EXOC4: variants seen among roughly 807,000 people sequenced by gnomAD.
EXOC4 encodes exocyst complex component 4, also known as SEC8-like 1.
EXOC4 carries 71 observed loss-of-function variants against 107.2 expected under a neutral mutation model. The observed-to-expected ratio is 0.66, with a 90% CI of 0.55 to 0.81. EXOC4 has a LOEUF of 0.81. Ranked by LOEUF, EXOC4 falls within the 30% of genes least tolerant of loss-of-function variation. The pLI, the probability that EXOC4 is intolerant of heterozygous loss-of-function variation, is 0.00. For synonymous variants in EXOC4, 456 were observed against 441.2 expected (o/e 1.03, Z -0.42); for missense variants, 1,108 against 1,189.6 (o/e 0.93, Z 1.01).
Position 133,443,490 on chromosome 7 carries a change from A to G in EXOC4, c.1183-31838A>G, listed in dbSNP as rs138546171. 5.0e-3 allele frequency among the ~76,000 whole-genome samples: 756 copies of G among 152,288 alleles called. 5 individuals carry two copies. The highest frequency in any genetic ancestry group is 0.018 in the African/African-American group (734 of 41,556). The stretch of plus-strand genomic sequence containing the variant: ...TTGTCCCTGAGTCTATTGTCACTTC[A>G]GTCTGGTGGTAGAAACTCAAATACC... On this transcript the variant is annotated intron_variant, in intron 7 of 17. Transcript: ENST00000253861.
At chr7:133,878,074 T>G (rs1798887797) in intron 11 of EXOC4, among the ~76,000 whole-genome samples, 2 of 152,248 alleles carry the variant, frequency 1.3e-5, no homozygotes, top group Admixed American at 6.5e-5. Context: ...TATTTTATAC[T>G]GAAATACTTT....
intron 16 of EXOC4, among the ~76,000 whole-genome samples, chr7:134,006,449 T>C (rs1794644857): frequency 6.6e-6 from 1 of 152,180 alleles, no homozygotes; most frequent in Non-Finnish European, 1.5e-5. Context: ...ATAAAAACTT[T>C]TCTTCATATT....
At chr7:133,880,786 G>A (rs995784295) in intron 11 of EXOC4, among the ~76,000 whole-genome samples, 4 of 152,048 alleles carry the variant, frequency 2.6e-5, no homozygotes, top group African/African-American at 9.7e-5. Context: ...TTTATTCAAC[G>A]ATAATTTATT....
chr7:133,921,822 A>G (rs1054346324), intron 13 of EXOC4, among the ~76,000 whole-genome samples: 3 of 152,042 alleles, frequency 2.0e-5, no homozygotes, highest in Non-Finnish European at 2.9e-5. Flanking sequence ...CCCATTATGC[A>G]TATGTTATAC....
chr7:133,878,577 C>A (rs1798898073), intron 11 of EXOC4, among the ~76,000 whole-genome samples: 1 of 152,146 alleles, frequency 6.6e-6, no homozygotes, highest in African/African-American at 2.4e-5. Context: ...CAAGCTCGAC[C>A]CCTGGATGAG....
chr7:133,467,978 C>T (rs1318484236), intron 7 of EXOC4, among the ~76,000 whole-genome samples: 1 of 152,056 alleles, frequency 6.6e-6, no homozygotes, highest in Non-Finnish European at 1.5e-5. Context: ...GAGGGAAGGA[C>T]TTATTTTTGA....
intron 10 of EXOC4, among the ~76,000 whole-genome samples, chr7:133,660,722 C>T (rs999922964): frequency 5.9e-5 from 9 of 151,994 alleles, no homozygotes; most frequent in Non-Finnish European, 1.0e-4. Context: ...TTAGGGAGAC[C>T]CAATGGTAGT....
At chr7:133,569,393 C>T (rs1476739157) in intron 9 of EXOC4, among the ~76,000 whole-genome samples, 1 of 152,092 alleles carries the variant, frequency 6.6e-6, no homozygotes, top group Non-Finnish European at 1.5e-5. Flanking sequence ...AGAAGCGCTT[C>T]AGTTTTGAAA....
chr7:133,756,008 ACAT>A, intron 10 of EXOC4, among the ~76,000 whole-genome samples: 1 of 152,274 alleles, frequency 6.6e-6, no homozygotes, highest in Middle Eastern at 3.4e-3. Context: ...TGAAGAAAAA[ACAT>A]CATGTTCTAT....
chr7:133,268,163 GA>G (rs1045635754), intron 1 of EXOC4, among the ~76,000 whole-genome samples: 7 of 152,110 alleles, frequency 4.6e-5, no homozygotes, highest in Non-Finnish European at 8.8e-5. Context: ...GTTTTACAAA[GA>G]AAAAAACAGA....
chr7:133,359,428 A>G (rs945066698), intron 6 of EXOC4, among the ~76,000 whole-genome samples: 6 of 152,200 alleles, frequency 3.9e-5, no homozygotes, highest in Admixed American at 3.9e-4. Flanking sequence ...TAAAATCACA[A>G]TACTTGGCAT....
chr7:133,318,565 A>G lies in EXOC4; in HGVS notation c.763+1175A>G, dbSNP rs145837359. ...TTTTCAGATAAAAATTAGTTCTTAT[A>G]GTTCTTATTAGTGCTGTAGAGCTTG... is the stretch of plus-strand genomic sequence containing the variant. On this transcript the variant is annotated intron_variant, in intron 5 of 17. Coordinates refer to ENST00000253861, the MANE Select transcript of EXOC4 (RefSeq NM_021807.4). Among the ~76,000 whole-genome samples, 1,487 of 152,322 alleles carry G rather than the reference A, an allele frequency of 9.8e-3. 20 individuals carry two copies. Among genetic ancestry groups the G allele is most frequent in the African/African-American group, 0.033 (1,391 of 41,580 alleles).
intron 9 of EXOC4, among the ~76,000 whole-genome samples, chr7:133,614,400 C>G (rs772097246): frequency 3.7e-4 from 57 of 152,054 alleles, no homozygotes; most frequent in Non-Finnish European, 7.6e-4. Flanking sequence ...TCCCTGAAGT[C>G]AGGAATCAGT....
chr7:133,737,398 T>C (rs905677447), intron 10 of EXOC4, among the ~76,000 whole-genome samples: 15 of 152,136 alleles, frequency 9.9e-5, no homozygotes, highest in Non-Finnish European at 1.9e-4. Flanking sequence ...CTTTAAACTT[T>C]TTTTTTTTTG....
chr7:133,776,561 G>A (rs1796349302), intron 10 of EXOC4, among the ~76,000 whole-genome samples: 1 of 152,184 alleles, frequency 6.6e-6, no homozygotes, highest in African/African-American at 2.4e-5. Flanking sequence ...CATTGTCAGT[G>A]TGGACACGAG....
At chr7:133,503,778 G>T (rs189385388) in intron 9 of EXOC4, among the ~76,000 whole-genome samples, 1 of 152,122 alleles carries the variant, frequency 6.6e-6, no homozygotes, top group Non-Finnish European at 1.5e-5. Flanking sequence ...GAGCCTAAGC[G>T]TATGAATTAG....
rs921211550 is a variant in EXOC4, at chr7:133,461,244, A to T, written c.1183-14084A>T. ...TGTGGACTCCTTAAAGAACAGAACC[A>T]CTGTATTTGTCTCTGCATTCTGGTG... On this transcript the variant is annotated intron_variant, in intron 7 of 17. Transcript: ENST00000253861. Among the ~76,000 whole-genome samples the T allele has an allele frequency of 2.6e-5, 4 of 152,306 alleles. No individual in the cohort carries two copies. The East Asian group carries it at 7.7e-4, about 29-fold the overall frequency.
chr7:133,851,875 G>T (rs1342745563), intron 11 of EXOC4, among the ~76,000 whole-genome samples: 2 of 152,098 alleles, frequency 1.3e-5, no homozygotes, highest in Admixed American at 1.3e-4. Context: ...ATCTTCCCAC[G>T]AGTCATCATA....
At chr7:133,447,816 A>G (rs1355502791) in intron 7 of EXOC4, among the ~76,000 whole-genome samples, 1 of 152,174 alleles carries the variant, frequency 6.6e-6, no homozygotes, top group Admixed American at 6.5e-5. Context: ...GTCACAGGTT[A>G]TGGATGAGAG....
Sources: allele counts gnomAD v4.1 joint callset (sites outside exome capture counted in the v4.1 genomes callset), GRCh38; gene constraint gnomAD v4.1.1; transcripts MANE v1.5; gene names NCBI Gene and HGNC (gene_info 2026-07-23, HGNC 2026-07-21).